NAA50: variants seen among roughly 807,000 people sequenced by gnomAD.
The protein encoded by NAA50 is N-alpha-acetyltransferase 50.
A neutral mutation model predicts 20.7 loss-of-function variants in NAA50; 7 were observed. The observed-to-expected ratio is 0.34, with a 90% confidence interval of 0.19 to 0.63. The LOEUF (loss-of-function observed/expected upper bound fraction) is 0.63, where lower values mean the gene tolerates loss of function less well. Among genes scored for constraint, NAA50 ranks in the 30% least tolerant of loss-of-function variants. The pLI, the probability that NAA50 is intolerant of heterozygous loss-of-function variation, is 0.75. For missense variants in NAA50, 111 were observed against 199.1 expected (o/e 0.56, Z 2.66); for synonymous variants, 54 against 70.6 (o/e 0.77, Z 1.18).
At chr3:113,744,045 T>C (rs1708456915) in intron 1 of NAA50, among the ~76,000 whole-genome samples, 1 of 152,234 alleles carries the variant, frequency 6.6e-6, no homozygotes, top group Admixed American at 6.5e-5. Flanking sequence ...CGTAAATCCA[T>C]GGCAATTTCA....
chr3:113,732,224 A>G (rs180749378), intron 1 of NAA50, among the ~76,000 whole-genome samples: 20 of 152,340 alleles, frequency 1.3e-4, no homozygotes, highest in African/African-American at 4.6e-4. Context: ...CTTAATAAAC[A>G]GAGGAGATAT....
chr3:113,716,890 C>A lies in NAA50; in HGVS notation c.*4870G>T, dbSNP rs1458209985. On this transcript the variant is annotated 3_prime_UTR_variant, in exon 5 of 5. Coordinates refer to ENST00000240922, the MANE Select transcript of NAA50 (RefSeq NM_025146.4). Reference sequence around the variant, plus strand: ...TCACAAATTTAAAAAGGTAATAATTCTTCTAGATCTCAACTCTAGGCTGTT... The same window carrying A: ...TCACAAATTTAAAAAGGTAATAATTATTCTAGATCTCAACTCTAGGCTGTT... 1 of 152,204 alleles carries A rather than the reference C, an allele frequency of 6.6e-6. No homozygotes were observed. Among genetic ancestry groups the A allele is most frequent in the East Asian group, 1.9e-4 (1 of 5,204 alleles). 9.4% of individuals were successfully genotyped at this position (152,204 alleles called of 1,614,324 possible).
intron 1 of NAA50, among the ~76,000 whole-genome samples, chr3:113,735,608 A>C (rs1463167461): frequency 1.3e-5 from 2 of 152,170 alleles, no homozygotes; most frequent in Non-Finnish European, 2.9e-5. Context: ...TAAGACCTTT[A>C]CTCTGTATAT....
At position 113,718,104 on chromosome 3, in the gene NAA50, A is replaced by T. The variant is rs1049790280; in HGVS notation, c.*3656T>A. The T allele has an allele frequency of 1.3e-5, 2 of 152,180 alleles. No homozygotes were observed. Among genetic ancestry groups the T allele is most frequent in the Non-Finnish European group, 2.9e-5 (2 of 68,034 alleles). 9.4% of individuals were successfully genotyped at this position (152,180 alleles called of 1,614,324 possible). On this transcript the variant is annotated 3_prime_UTR_variant, in exon 5 of 5. Transcript: ENST00000240922. Reference sequence around the variant, plus strand: ...AAGTATGGTTTCTGCTCACTTTCTTATATCACCTGCTCTAGGGGAAGCCAC... The same window carrying T: ...AAGTATGGTTTCTGCTCACTTTCTTTTATCACCTGCTCTAGGGGAAGCCAC...
intron 1 of NAA50, among the ~76,000 whole-genome samples, chr3:113,732,871 T>C (rs1000519760): frequency 6.6e-6 from 1 of 152,194 alleles, no homozygotes; most frequent in Non-Finnish European, 1.5e-5. Flanking sequence ...TATATTTCCA[T>C]CAGTAATGTA....
intron 1 of NAA50, among the ~76,000 whole-genome samples, chr3:113,743,568 T>G (rs184017694): frequency 2.8e-4 from 42 of 152,246 alleles, no homozygotes; most frequent in Middle Eastern, 6.8e-3. Context: ...ACAACTCATT[T>G]GTTGAGTGTC....
chr3:113,742,297 T>C (rs546820423), intron 1 of NAA50, among the ~76,000 whole-genome samples: 1 of 152,230 alleles, frequency 6.6e-6, no homozygotes, highest in African/African-American at 2.4e-5. Context: ...GTTTTCGCTC[T>C]GTTGCCCAGG....
chr3:113,724,117 T>C, intron 1 of NAA50, 22 bp from the exon 2 acceptor site: 2 of 1,531,402 alleles, frequency 1.3e-6, no homozygotes, highest in African/African-American at 1.4e-5. Context: ...CAAAATGTAC[T>C]CAATAAAACA....
rs1471712802 is a variant in NAA50, at chr3:113,720,960, C to T, written c.*800G>A. 1 of 152,414 alleles carries T rather than the reference C, an allele frequency of 6.6e-6. No homozygotes were observed. Among genetic ancestry groups the T allele is most frequent in the Non-Finnish European group, 1.5e-5 (1 of 67,950 alleles). The allele number at this position is 152,414 out of a possible 1,614,324, so 9.4% of individuals were successfully genotyped here. On this transcript the variant is annotated 3_prime_UTR_variant, in exon 5 of 5. Coordinates refer to ENST00000240922, the MANE Select transcript of NAA50 (RefSeq NM_025146.4). The stretch of plus-strand genomic sequence containing the variant: ...GGGAAAAAATTAAATCACAACACAC[C>T]TCTTTAGGTCAGTTAAAGGCCATAT...
intron 1 of NAA50, among the ~76,000 whole-genome samples, chr3:113,738,147 T>A (rs1311560516): frequency 6.6e-6 from 1 of 152,194 alleles, no homozygotes; most frequent in East Asian, 1.9e-4. Flanking sequence ...TTACTAATGC[T>A]AAATACACAC....
chr3:113,742,361 A>C (rs762353170), intron 1 of NAA50, among the ~76,000 whole-genome samples: 2 of 152,022 alleles, frequency 1.3e-5, no homozygotes, highest in African/African-American at 4.8e-5. Flanking sequence ...TCCTGGGCTC[A>C]AGTGATCCTC....
chr3:113,739,151 T>A (rs1462361029), intron 1 of NAA50, among the ~76,000 whole-genome samples: 1 of 152,238 alleles, frequency 6.6e-6, no homozygotes, highest in Non-Finnish European at 1.5e-5. Context: ...AAAATGTGAA[T>A]ATTTACTCAA....
chr3:113,743,642 T>C (rs1173944613), intron 1 of NAA50, among the ~76,000 whole-genome samples: 1 of 152,190 alleles, frequency 6.6e-6, no homozygotes, highest in African/African-American at 2.4e-5. Flanking sequence ...GTTAGTTCAT[T>C]TGTTAAGTTA....
At chr3:113,732,465 T>C (rs1002488739) in intron 1 of NAA50, among the ~76,000 whole-genome samples, 11 of 152,182 alleles carry the variant, frequency 7.2e-5, no homozygotes, top group African/African-American at 2.4e-4. Flanking sequence ...AACAAACTTA[T>C]TCTCTTATAG....
intron 3 of NAA50, 73 bp from the exon 4 acceptor site, chr3:113,723,045 A>C: frequency 6.9e-7 from 1 of 1,439,498 alleles, no homozygotes; most frequent in Non-Finnish European, 9.2e-7. Flanking sequence ...TCCACTTGCC[A>C]TCTGAACTAC....
intron 1 of NAA50, among the ~76,000 whole-genome samples, chr3:113,725,234 G>A (rs1346311715): frequency 1.3e-5 from 2 of 152,164 alleles, no homozygotes; most frequent in Non-Finnish European, 2.9e-5. Flanking sequence ...AATGTGATAA[G>A]GCAAACCTGA....
chr3:113,745,972 C>T lies in NAA50; in HGVS notation c.-23G>A. ...CATCTTCCCCGCCTGCTGAGGCCGT[C>T]GTTACCACCGATATCAACGCCGTCG... On this transcript the variant is annotated 5_prime_UTR_variant, in exon 1 of 5. Coordinates refer to ENST00000240922, the MANE Select transcript of NAA50 (RefSeq NM_025146.4). 1 of 1,605,730 alleles carries T rather than the reference C, an allele frequency of 6.2e-7. No individual in the cohort carries two copies. The highest frequency in any genetic ancestry group is 8.5e-7 in the Non-Finnish European group (1 of 1,179,348).
chr3:113,731,419 G>GT (rs1243421631), intron 1 of NAA50, among the ~76,000 whole-genome samples: 1 of 152,124 alleles, frequency 6.6e-6, no homozygotes, highest in Non-Finnish European at 1.5e-5. Context: ...ACATTTAGGT[G>GT]TATGAACTCC....
intron 1 of NAA50, among the ~76,000 whole-genome samples, chr3:113,727,381 C>T (rs1358620876): frequency 6.6e-6 from 1 of 152,132 alleles, no homozygotes; most frequent in Non-Finnish European, 1.5e-5. Context: ...CTTTAGGAAT[C>T]ATTTGTAGGT....
Sources: allele counts gnomAD v4.1 joint callset (sites outside exome capture counted in the v4.1 genomes callset), GRCh38; gene constraint gnomAD v4.1.1; transcripts MANE v1.5; gene names NCBI Gene and HGNC (gene_info 2026-07-23, HGNC 2026-07-21).